KCND2: variants seen among roughly 807,000 people sequenced by gnomAD.
The protein encoded by KCND2 is A-type voltage-gated potassium channel KCND2.
Under a neutral mutation model 54.4 loss-of-function variants are expected in KCND2, and 16 were observed. That is an observed-to-expected ratio of 0.29 (90% CI 0.20 to 0.45). The LOEUF (loss-of-function observed/expected upper bound fraction) is 0.45, where lower values mean the gene tolerates loss of function less well. KCND2 is among the 20% of genes least tolerant of loss of function. KCND2 has a pLI of 1.00. For synonymous variants in KCND2, 317 were observed against 310.7 expected (o/e 1.02, Z -0.21); for missense variants, 486 against 824.2 (o/e 0.59, Z 5.02).
intron 1 of KCND2, among the ~76,000 whole-genome samples, chr7:120,624,273 T>C (rs1309519482): frequency 6.6e-6 from 1 of 152,228 alleles, no homozygotes; most frequent in Non-Finnish European, 1.5e-5. Context: ...TATCAGTATA[T>C]TTCCCTCTCG....
intron 1 of KCND2, among the ~76,000 whole-genome samples, chr7:120,695,276 A>G (rs1232472091): frequency 2.0e-5 from 3 of 151,740 alleles, no homozygotes; most frequent in African/African-American, 4.8e-5. Flanking sequence ...TATGTATCCC[A>G]TAAGTTTACT....
intron 1 of KCND2, among the ~76,000 whole-genome samples, chr7:120,549,612 T>C (rs1792082023): frequency 6.6e-6 from 1 of 152,224 alleles, no homozygotes; most frequent in African/African-American, 2.4e-5. Context: ...TTCTTTCCTT[T>C]ATACCTAGAG....
chr7:120,480,148 T>A (rs563782966), intron 1 of KCND2, among the ~76,000 whole-genome samples: 40 of 152,102 alleles, frequency 2.6e-4, no homozygotes, highest in African/African-American at 8.9e-4. Context: ...ATATAAAAAA[T>A]TATCTATTTT....
chr7:120,599,703 G>GTAGA (rs1562884415), intron 1 of KCND2, among the ~76,000 whole-genome samples: 1 of 151,704 alleles, frequency 6.6e-6, no homozygotes, highest in African/African-American at 2.4e-5. Context: ...TAGCTTTTTT[G>GTAGA]TAGATTTTTG....
intron 1 of KCND2, among the ~76,000 whole-genome samples, chr7:120,711,249 CAA>C (rs1318189291): frequency 2.0e-5 from 3 of 151,978 alleles, no homozygotes; most frequent in African/African-American, 7.2e-5. Context: ...ATCAAAAATT[CAA>C]AGATACAGAT....
rs189746442 is a variant in KCND2 at position 120,698,907 on chromosome 7, T to C, written c.1116-33996T>C. The stretch of plus-strand genomic sequence containing the variant: ...GTATTTCTGTTATATTTAAAAAGTC[T>C]TTAAATTTAATAAGAATTTAACTTA... On this transcript the variant is annotated intron_variant, in intron 1 of 5. Transcript: ENST00000331113. Among the ~76,000 whole-genome samples, 609 of 152,342 alleles carry C rather than the reference T, an allele frequency of 4.0e-3. 2 individuals are homozygous for C. The highest frequency in any genetic ancestry group is 0.017 in the Middle Eastern group (5 of 294).
chr7:120,673,831 G>A (rs753082075), intron 1 of KCND2, among the ~76,000 whole-genome samples: 3 of 151,916 alleles, frequency 2.0e-5, no homozygotes, highest in African/African-American at 7.3e-5. Flanking sequence ...CCTGAATCAC[G>A]TGGAGTTTTT....
intron 1 of KCND2, among the ~76,000 whole-genome samples, chr7:120,558,954 A>G (rs1324831622): frequency 6.6e-6 from 1 of 151,964 alleles, no homozygotes; most frequent in Non-Finnish European, 1.5e-5. Flanking sequence ...CTGAGTATAT[A>G]AAATATTGAT....
chr7:120,299,649 G>A (rs912765383), intron 1 of KCND2, among the ~76,000 whole-genome samples: 2 of 152,066 alleles, frequency 1.3e-5, no homozygotes, highest in Non-Finnish European at 2.9e-5. Flanking sequence ...CAAGTTCTCT[G>A]CCAAATGAAA....
chr7:120,728,991 G>T (rs1198594410), intron 1 of KCND2, among the ~76,000 whole-genome samples: 1 of 152,122 alleles, frequency 6.6e-6, no homozygotes, highest in Admixed American at 6.6e-5. Context: ...TTTCACCACG[G>T]TGTCACTTCT....
chr7:120,304,081 G>A (rs939685852), intron 1 of KCND2, among the ~76,000 whole-genome samples: 2 of 152,092 alleles, frequency 1.3e-5, no homozygotes, highest in African/African-American at 2.4e-5. Context: ...AGCAATGAAC[G>A]AGAATGCCTG....
chr7:120,633,920 G>A (rs1020221189), intron 1 of KCND2, among the ~76,000 whole-genome samples: 2 of 152,090 alleles, frequency 1.3e-5, no homozygotes, highest in Admixed American at 6.6e-5. Context: ...AGTATAGCAA[G>A]GATTTTAAAT....
chr7:120,330,698 A>G (rs969116187), intron 1 of KCND2, among the ~76,000 whole-genome samples: 27 of 151,604 alleles, frequency 1.8e-4, no homozygotes, highest in Non-Finnish European at 5.9e-5. Flanking sequence ...AAGCTGTGGT[A>G]CTTATATCCA....
At chr7:120,737,075 CA>C (rs1554393285) in intron 2 of KCND2, among the ~76,000 whole-genome samples, 1 of 112,974 alleles carries the variant, frequency 8.9e-6, no homozygotes, top group African/African-American at 3.7e-5. Context: ...CACACACACA[CA>C]AACAAAAAAA....
intron 1 of KCND2, among the ~76,000 whole-genome samples, chr7:120,385,994 A>G (rs1800982409): frequency 6.6e-6 from 1 of 152,042 alleles, no homozygotes; most frequent in African/African-American, 2.4e-5. Flanking sequence ...AACACACATT[A>G]TTTTTGGCTT....
intron 1 of KCND2, among the ~76,000 whole-genome samples, chr7:120,314,913 C>T (rs748314309): frequency 2.4e-4 from 37 of 151,974 alleles, no homozygotes; most frequent in Non-Finnish European, 5.0e-4. Flanking sequence ...TCACAGAGCT[C>T]TTTCTTTACT....
intron 1 of KCND2, among the ~76,000 whole-genome samples, chr7:120,617,410 T>C (rs2116495359): frequency 6.6e-6 from 1 of 152,238 alleles, no homozygotes; most frequent in South Asian, 2.1e-4. Context: ...TCACTAATCA[T>C]TAGAGAAATG....
chr7:120,697,945 A>C (rs887715759), intron 1 of KCND2, among the ~76,000 whole-genome samples: 18 of 152,054 alleles, frequency 1.2e-4, no homozygotes, highest in Non-Finnish European at 5.9e-5. Flanking sequence ...TTCTTTTAAA[A>C]ATGTTAAGGA....
At chr7:120,400,902 A>C (rs2116079890) in intron 1 of KCND2, among the ~76,000 whole-genome samples, 1 of 152,170 alleles carries the variant, frequency 6.6e-6, no homozygotes, top group Non-Finnish European at 1.5e-5. Flanking sequence ...TGGGCAATTA[A>C]GTGTTAATTG....
Sources: allele counts gnomAD v4.1 joint callset (sites outside exome capture counted in the v4.1 genomes callset), GRCh38; gene constraint gnomAD v4.1.1; transcripts MANE v1.5; gene names NCBI Gene and HGNC (gene_info 2026-07-23, HGNC 2026-07-21).